ODAD4: variants seen among roughly 807,000 people sequenced by gnomAD.
ODAD4 encodes outer dynein arm docking complex subunit 4.
Under a neutral mutation model 51.8 loss-of-function variants are expected in ODAD4, and 49 were observed. The observed-to-expected ratio is 0.95, with a 90% CI of 0.75 to 1.20. The LOEUF is 1.20. Among genes scored for constraint, ODAD4 ranks in the 50% most tolerant of loss-of-function variants. The probability of loss-of-function intolerance (pLI) is 0.00; values close to 1 mark genes in which losing one functional copy is unlikely to be tolerated. For synonymous variants in ODAD4, 235 were observed against 221.3 expected (o/e 1.06, Z -0.55); for missense variants, 590 against 586.5 (o/e 1.01, Z -0.06).
intron 1 of ODAD4, among the ~76,000 whole-genome samples, chr17:41,932,944 G>A (rs2050371472): frequency 6.6e-6 from 1 of 151,998 alleles, no homozygotes; most frequent in Admixed American, 6.6e-5. Flanking sequence ...TCTTCTAGAT[G>A]GAGTGATAGG....
chr17:41,946,595 G>A (rs1555639600), intron 8 of ODAD4, among the ~76,000 whole-genome samples: 6 of 152,196 alleles, frequency 3.9e-5, no homozygotes. Flanking sequence ...AAAGTGCTGG[G>A]ATTACAGGCG....
chr17:41,937,544 C>G (rs1328444345), intron 5 of ODAD4, among the ~76,000 whole-genome samples: 14 of 152,052 alleles, frequency 9.2e-5, no homozygotes, highest in Non-Finnish European at 1.6e-4. Flanking sequence ...AAATTCGGCT[C>G]ACTGCCACCT....
At chr17:41,943,358 G>A (rs1555638963) in intron 7 of ODAD4, among the ~76,000 whole-genome samples, 1 of 152,166 alleles carries the variant, frequency 6.6e-6, no homozygotes, top group Non-Finnish European at 1.5e-5. Context: ...ACGTGTCCAT[G>A]TGAAGAGACC....
At position 41,949,154 on chromosome 17, in the gene ODAD4, T is replaced by G. The variant is rs2050623034; in HGVS notation, c.1147T>G (p.Trp383Gly). Reference protein sequence around the residue: ...VGKFQQAIDTWEEKIPLAKTT... With the variant: ...VGKFQQAIDTGEEKIPLAKTT... ...GACTCTGGTTCTTCATGTCCCCAGGTGGGAAGAAAAGATCCCTCTGGCAAA... is the reference window on the plus strand; with the variant it reads ...GACTCTGGTTCTTCATGTCCCCAGGGGGGAAGAAAAGATCCCTCTGGCAAA... Residue 383 changes from tryptophan (W) to glycine (G), a missense_variant and splice_region_variant, in exon 9 of 12, where the codon TGG becomes GGG. Physicochemically the swap from Trp to Gly is radical, Grantham distance 184 (BLOSUM62 -2). Around this residue, in one of 3 missense-constraint regions of ODAD4, gnomAD observed 226 missense variants for 162.7 expected, o/e 1.39. Transcript: ENST00000377540. 7.5e-6 allele frequency: 3 copies of G among 398,346 alleles called. No individual in the cohort carries two copies. The highest frequency in any genetic ancestry group is 2.5e-4 in the South Asian group (2 of 7,856). The allele number at this position is 398,346 out of a possible 1,614,324, so 24.7% of individuals were successfully genotyped here. A position where few individuals can be genotyped will look rare whatever the true frequency, so the allele number is the denominator to read the frequency against.
At chr17:41,955,507 A>T (rs531692961) in intron 10 of ODAD4, among the ~76,000 whole-genome samples, 190 bp downstream of exon 10, 5 of 152,162 alleles carry the variant, frequency 3.3e-5, no homozygotes, top group Admixed American at 3.3e-4. Flanking sequence ...GGCTCACTGC[A>T]AGCTCCGCTT....
At chr17:41,944,296 G>A (rs910127107) in intron 7 of ODAD4, among the ~76,000 whole-genome samples, 1 of 151,708 alleles carries the variant, frequency 6.6e-6, no homozygotes, top group South Asian at 2.1e-4. Context: ...CCCCGGAGGC[G>A]GAGGCTGCAG....
intron 1 of ODAD4, among the ~76,000 whole-genome samples, chr17:41,932,400 A>G (rs1307074263): frequency 5.3e-5 from 8 of 152,132 alleles, no homozygotes; most frequent in Non-Finnish European, 1.2e-4. Context: ...TAGGAAATAT[A>G]CAGAAGTTGA....
intron 8 of ODAD4, among the ~76,000 whole-genome samples, chr17:41,947,078 G>A (rs547143711): frequency 2.6e-5 from 4 of 151,322 alleles, no homozygotes; most frequent in Non-Finnish European, 4.4e-5. Flanking sequence ...TCCAACTCCC[G>A]ACCTCAGGTG....
At chr17:41,941,824 A>C (rs1324799810) in intron 7 of ODAD4, among the ~76,000 whole-genome samples, 1 of 151,800 alleles carries the variant, frequency 6.6e-6, no homozygotes, top group African/African-American at 2.4e-5. Flanking sequence ...AGGGGTTACA[A>C]ATCCCTCCCC....
rs782417385 is a variant in ODAD4, at chr17:41,930,678, C to G, written c.-46C>G. The G allele has an allele frequency of 3.9e-6, 5 of 1,298,500 alleles. No homozygotes were observed. The highest frequency in any genetic ancestry group is 1.9e-5 in the Admixed American group (1 of 51,472). The allele number at this position is 1,298,500 out of a possible 1,614,324, so 80.4% of individuals were successfully genotyped here. On this transcript the variant is annotated 5_prime_UTR_variant, in exon 1 of 12. Transcript: ENST00000377540. The stretch of plus-strand genomic sequence containing the variant: ...CACAAACCAGATAGAGGTTCTCCAG[C>G]TTTTCTTTGATTGTCTCTGCTTTAG...
In ODAD4 at chr17:41,930,748, T is replaced by G. The variant is rs2050315405; in HGVS notation, c.25T>G (p.Leu9Val). 2 of 1,611,528 alleles carry G rather than the reference T, an allele frequency of 1.2e-6. No homozygotes were observed. The highest frequency in any genetic ancestry group is 4.5e-5 in the East Asian group (2 of 44,818). The change falls in exon 1 of 12, where the codon TTG (leucine) becomes GTG (valine). Residue 9 changes from leucine to valine, a missense_variant. By Grantham distance (32) the Leu-to-Val change is conservative. Coordinates refer to ENST00000377540, the MANE Select transcript of ODAD4 (RefSeq NM_031421.5). MSDPEGET[L>V]RSTFPSYMAE... ...CATGTCGGACCCCGAAGGCGAGACC[T>G]TGCGAAGCACCTTTCCCTCTTATAT...
At position 41,955,284 on chromosome 17, in the gene ODAD4, G is replaced by A. The variant is rs782425843; in HGVS notation, c.1410G>A (p.Val470=). The change falls in exon 10 of 12, where the codon GTG becomes GTA. Residue 470 remains valine (V), a synonymous_variant. Coordinates refer to ENST00000377540, the MANE Select transcript of ODAD4 (RefSeq NM_031421.5). The part of the protein sequence containing the change: ...FEKALERAKL[V]HNNEAQQAII... Reference sequence around the variant, plus strand: ...AGGCCCTGGAGAGAGCAAAGCTTGTGCATAACAACGAGGCGCAGCAGGCCA... The same window carrying A: ...AGGCCCTGGAGAGAGCAAAGCTTGTACATAACAACGAGGCGCAGCAGGCCA... 3 of 779,886 alleles carry A rather than the reference G, an allele frequency of 3.8e-6. No homozygotes were observed. The highest frequency in any genetic ancestry group is 7.2e-6 in the Non-Finnish European group (3 of 417,654). 48.3% of individuals were successfully genotyped at this position (779,886 alleles called of 1,614,324 possible). A position where few individuals can be genotyped will look rare whatever the true frequency, so the allele number is the denominator to read the frequency against.
Position 41,965,582 on chromosome 17 carries a change from A to C in ODAD4, c.*99A>C. The C allele has an allele frequency of 1.6e-6, 1 of 639,080 alleles. No individual in the cohort carries two copies. The highest frequency in any genetic ancestry group is 2.8e-6 in the Non-Finnish European group (1 of 359,974). 39.6% of individuals were successfully genotyped at this position (639,080 alleles called of 1,614,324 possible). The stretch of plus-strand genomic sequence containing the variant: ...AAGCGATTTGTCTGTTATAGGAAAA[A>C]TGAGGGTTTTACTTCTGCTGCTTTC... On this transcript the variant is annotated 3_prime_UTR_variant, in exon 12 of 12. Transcript: ENST00000377540.
At chr17:41,945,246 TC>T in intron 8 of ODAD4, 24 bp downstream of exon 8, 2 of 1,570,398 alleles carry the variant, frequency 1.3e-6, no homozygotes, top group Non-Finnish European at 1.7e-6. Context: ...AATTGCCTCT[TC>T]CCCACCTCCA....
At chr17:41,958,151 T>C (rs2144535968) in intron 10 of ODAD4, among the ~76,000 whole-genome samples, 1 of 152,156 alleles carries the variant, frequency 6.6e-6, no homozygotes, top group Admixed American at 6.6e-5. Context: ...CCTTCCCACC[T>C]CCTTCACCTG....
chr17:41,943,847 T>C (rs2050540415), intron 7 of ODAD4, among the ~76,000 whole-genome samples: 1 of 152,020 alleles, frequency 6.6e-6, no homozygotes, highest in South Asian at 2.1e-4. Flanking sequence ...GTCAGGAGGA[T>C]CCCTTGAGCC....
At chr17:41,962,999 G>A (rs9900219) in intron 11 of ODAD4, among the ~76,000 whole-genome samples, 101,817 of 152,058 alleles carry the variant, frequency 0.67, 35,542 homozygotes, top group East Asian at 0.83. Context: ...CTCTGTCTCC[G>A]CCCCCACATG....
chr17:41,951,790 A>G (rs988835205), intron 9 of ODAD4, among the ~76,000 whole-genome samples: 2 of 146,238 alleles, frequency 1.4e-5, no homozygotes, highest in African/African-American at 5.0e-5. Flanking sequence ...AGGCTGAGGC[A>G]GGAGAACTGC....
At chr17:41,939,284 A>C in intron 7 of ODAD4, 112 bp downstream of exon 7, 9 of 1,056,172 alleles carry the variant, frequency 8.5e-6, no homozygotes, top group Non-Finnish European at 1.2e-5. Context: ...TCTGCTCTGC[A>C]TGCCTGAGGT....
Sources: gnomAD v4.1 joint callset for allele counts (sites outside exome capture counted in the v4.1 genomes callset) on GRCh38, gnomAD v4.1.1 for gene constraint, gnomAD v4.1.1 regional missense constraint, MANE v1.5 for transcripts, NCBI Gene and HGNC (gene_info 2026-07-23, HGNC 2026-07-21) for gene names.